Variants in CNTNAP3B observed in about 807,000 individuals in gnomAD.
CNTNAP3B encodes contactin associated protein family member 3B, also known as contactin-associated protein-like 3B.
CNTNAP3B carries 25 observed loss-of-function variants against 108.9 expected under a neutral mutation model. That is an observed-to-expected ratio of 0.23 (90% CI 0.17 to 0.32). The LOEUF (loss-of-function observed/expected upper bound fraction) is 0.32. Ranked by LOEUF, CNTNAP3B falls within the 10% of genes least tolerant of loss-of-function variation. The pLI, the probability that CNTNAP3B is intolerant of heterozygous loss-of-function variation, is 1.00. For missense variants in CNTNAP3B, 252 were observed against 1,210.4 expected, an observed-to-expected ratio of 0.21 and a Z score of 11.75; for synonymous variants, 103 against 473.4, an observed-to-expected ratio of 0.22 and a Z score of 10.16.
intron 2 of CNTNAP3B, among the ~76,000 whole-genome samples, chr9:42,078,426 T>A (rs1827536266): frequency 7.1e-6 from 1 of 140,326 alleles, no homozygotes; most frequent in Admixed American, 7.1e-5. Context: ...CCTCTGAATG[T>A]ACGATAAGCA....
chr9:41,979,898 A>G (rs973065754), intron 9 of CNTNAP3B: 2 of 130,336 alleles, frequency 1.5e-5, no homozygotes, highest in Admixed American at 1.5e-4. Flanking sequence ...ATATATATAT[A>G]TATGTAATCT....
chr9:41,919,606 T>C (rs1357528244), intron 18 of CNTNAP3B, among the ~76,000 whole-genome samples: 49 of 152,372 alleles, frequency 3.2e-4, no homozygotes, highest in African/African-American at 1.1e-3. Context: ...TATAAAGGCC[T>C]TTTGAATCAC....
In CNTNAP3B at chr9:42,089,469, C is replaced by T. The variant is rs1475268823; in HGVS notation, c.197-12407G>A. On this transcript the variant is annotated intron_variant, in intron 2 of 23. Transcript: ENST00000377561. ...TTAAAGATCGCATACTATAACAAAC[C>T]ATTTGTGGGTCATTTCCCCAATGTA... 1.4e-5 allele frequency among the ~76,000 whole-genome samples: 2 copies of T among 138,004 alleles called. 1 individual carries two copies. Among genetic ancestry groups the T allele is most frequent in the African/African-American group, 5.8e-5 (2 of 34,764 alleles). 90.5% of individuals were successfully genotyped at this position (138,004 alleles called of 152,430 possible).
chr9:41,947,434 T>C (rs1471002784), intron 13 of CNTNAP3B, among the ~76,000 whole-genome samples: 10 of 152,314 alleles, frequency 6.6e-5, no homozygotes, highest in East Asian at 3.9e-4. Context: ...TCAAAGAATA[T>C]GCTTCAAAGA....
intron 12 of CNTNAP3B, among the ~76,000 whole-genome samples, chr9:41,956,113 G>A (rs7037758): frequency 0.015 from 2,339 of 152,092 alleles, 19 homozygotes; most frequent in African/African-American, 0.036. Flanking sequence ...GTGGCCAGGC[G>A]TGGTGGCTCA....
intron 13 of CNTNAP3B, among the ~76,000 whole-genome samples, chr9:41,945,550 G>A (rs1824507943): frequency 6.6e-6 from 1 of 152,306 alleles, no homozygotes; most frequent in South Asian, 2.1e-4. Context: ...CTCACTCATA[G>A]GTGGGAATTG....
chr9:41,966,782 A>G, intron 10 of CNTNAP3B, among the ~76,000 whole-genome samples: 1 of 151,648 alleles, frequency 6.6e-6, no homozygotes, highest in Non-Finnish European at 1.5e-5. Context: ...CCTGGCTAAC[A>G]CGGTGAAACC....
chr9:41,997,906 AT>A (rs1223520618), intron 5 of CNTNAP3B, among the ~76,000 whole-genome samples, 154 bp from the exon 6 acceptor site: 2 of 114,678 alleles, frequency 1.7e-5, no homozygotes, highest in African/African-American at 7.5e-5. Flanking sequence ...CCCTGTTTTT[AT>A]TTTTTTAAGT....
chr9:41,982,004 G>A (rs1418687328), intron 9 of CNTNAP3B, among the ~76,000 whole-genome samples: 7 of 87,512 alleles, frequency 8.0e-5, no homozygotes, highest in African/African-American at 3.5e-4. Context: ...GGGAGGTTGA[G>A]GCTGTATCGT....
At chr9:42,079,666 T>C (rs1827570705) in intron 2 of CNTNAP3B, among the ~76,000 whole-genome samples, 2 of 136,206 alleles carry the variant, frequency 1.5e-5, no homozygotes, top group Admixed American at 7.3e-5. Context: ...GGATTACAGG[T>C]ACATGCCACC....
At chr9:42,110,429 C>T (rs1828173122) in intron 1 of CNTNAP3B, among the ~76,000 whole-genome samples, 1 of 135,912 alleles carries the variant, frequency 7.4e-6, no homozygotes, top group East Asian at 2.2e-4. Flanking sequence ...GGGACGGCAC[C>T]TTAACCAGCT....
At chr9:42,053,934 G>A (rs1186743296) in intron 3 of CNTNAP3B, among the ~76,000 whole-genome samples, 23 of 150,976 alleles carry the variant, frequency 1.5e-4, no homozygotes, top group African/African-American at 4.7e-4. Context: ...TTGTATTGAT[G>A]CATTTTCCCC....
chr9:41,948,237 G>T (rs1444441481), intron 13 of CNTNAP3B, among the ~76,000 whole-genome samples: 2 of 145,338 alleles, frequency 1.4e-5, no homozygotes, highest in South Asian at 2.2e-4. Flanking sequence ...GATTATAGGT[G>T]TGTGCCACCA....
Position 41,913,698 on chromosome 9 carries a change from G to A in CNTNAP3B, c.2996-4917C>T, listed in dbSNP as rs1479287696. ...CATTGCCCCCTCATCTCAGCTGCTGGTATCCTTGAATCTACTTTGTCTCTA... is the reference window on the plus strand; with the variant it reads ...CATTGCCCCCTCATCTCAGCTGCTGATATCCTTGAATCTACTTTGTCTCTA... On this transcript the variant is annotated intron_variant, in intron 18 of 23. Transcript: ENST00000377561. Among the ~76,000 whole-genome samples the A allele has an allele frequency of 3.7e-5, 5 of 135,750 alleles. No individual in the cohort carries two copies. The East Asian group carries it at 1.0e-3, about 28-fold the overall frequency. 89.1% of individuals were successfully genotyped at this position (135,750 alleles called of 152,430 possible). A position where few individuals can be genotyped will look rare whatever the true frequency, so the allele number is the denominator to read the frequency against.
chr9:41,959,910 A>G (rs1431367595), intron 12 of CNTNAP3B: 1 of 152,428 alleles, frequency 6.6e-6, no homozygotes, highest in African/African-American at 2.4e-5. Flanking sequence ...GAGCTAGGTG[A>G]CAACAAATTT....
Position 42,095,977 on chromosome 9 carries a change from G to T in CNTNAP3B, c.196+8652C>A, listed in dbSNP as rs1271285460. ...AGGCTGGGACAGTGCTCTCCACAAC[G>T]TTTTGGTGACCCTTTCTCCTCCCTC... On this transcript the variant is annotated intron_variant, in intron 2 of 23. Transcript: ENST00000377561. Among the ~76,000 whole-genome samples the T allele has an allele frequency of 1.4e-5, 2 of 138,432 alleles. 1 individual carries two copies. The highest frequency in any genetic ancestry group is 3.1e-5 in the Non-Finnish European group (2 of 64,688). 90.8% of individuals were successfully genotyped at this position (138,432 alleles called of 152,430 possible).
intron 15 of CNTNAP3B, among the ~76,000 whole-genome samples, chr9:41,924,922 T>C (rs1198264649): frequency 6.6e-6 from 1 of 152,238 alleles, no homozygotes; most frequent in Non-Finnish European, 1.5e-5. Context: ...TTGTCTGACA[T>C]ACTCATGATT....
At position 42,012,014 on chromosome 9, in the gene CNTNAP3B, G is replaced by A. The variant is rs1438649706; in HGVS notation, c.538+1364C>T. On this transcript the variant is annotated intron_variant, in intron 4 of 23. Transcript: ENST00000377561. The stretch of plus-strand genomic sequence containing the variant: ...CAGCAGATTGCATGGCAGCTGCACC[G>A]CCCACCGGCCCTTCCTGGAATCAGG... 3.0e-4 allele frequency among the ~76,000 whole-genome samples: 29 copies of A among 97,884 alleles called. 8 individuals are homozygous for A. Among genetic ancestry groups the A allele is most frequent in the East Asian group, 1.1e-3 (2 of 1,740 alleles). The allele number at this position is 97,884 out of a possible 152,430, so 64.2% of individuals were successfully genotyped here. A position where few individuals can be genotyped will look rare whatever the true frequency, so the allele number is the denominator to read the frequency against.
At chr9:41,941,768 CTAAT>C (rs1824350875) in intron 13 of CNTNAP3B, among the ~76,000 whole-genome samples, 2 of 149,530 alleles carry the variant, frequency 1.3e-5, no homozygotes, top group African/African-American at 2.5e-5. Flanking sequence ...ATGTAACTGA[CTAAT>C]TGATGGATAC....
Sources: allele counts gnomAD v4.1 joint callset (sites outside exome capture counted in the v4.1 genomes callset), GRCh38; gene constraint gnomAD v4.1.1; transcripts MANE v1.5; gene names NCBI Gene and HGNC (gene_info 2026-07-23, HGNC 2026-07-21).